The following DLGAP2 variants were observed in gnomAD, a reference collection of about 807,000 sequenced individuals.
DLGAP2 encodes the protein DLG associated protein 2.
DLGAP2 carries 26 observed loss-of-function variants against 100.3 expected under a neutral mutation model. The observed-to-expected ratio is 0.26, with a 90% CI of 0.19 to 0.36. The LOEUF is 0.36. Ranked by LOEUF, DLGAP2 falls within the 10% of genes least tolerant of loss-of-function variation. The probability of loss-of-function intolerance (pLI) is 1.00; values close to 1 mark genes in which losing one functional copy is unlikely to be tolerated. For synonymous variants in DLGAP2, 886 were observed against 630.1 expected (o/e 1.41, Z -6.08); for missense variants, 1,858 against 1,453.2 (o/e 1.28, Z -4.53).
intron 10 of DLGAP2, 84 bp from the exon 11 acceptor site, chr8:1,676,449 A>G: frequency 1.4e-6 from 2 of 1,414,660 alleles, no homozygotes; most frequent in Non-Finnish European, 2.0e-6. Context: ...AATTAATTAC[A>G]GCAAATCCAC....
At chr8:859,378 CT>C (rs1797346661) in intron 1 of DLGAP2, among the ~76,000 whole-genome samples, 1 of 152,190 alleles carries the variant, frequency 6.6e-6, no homozygotes, top group African/African-American at 2.4e-5. Flanking sequence ...TCCCAAAGGG[CT>C]GGGATTACAG....
chr8:1,285,552 C>A (rs1179898123), intron 3 of DLGAP2, among the ~76,000 whole-genome samples: 1 of 152,056 alleles, frequency 6.6e-6, no homozygotes, highest in Non-Finnish European at 1.5e-5. Context: ...GTCCACTGCC[C>A]ACGTGAACAA....
intron 2 of DLGAP2, among the ~76,000 whole-genome samples, chr8:1,120,301 A>C (rs1005876430): frequency 6.6e-6 from 1 of 152,152 alleles, no homozygotes; most frequent in Non-Finnish European, 1.5e-5. Context: ...AATCACACTC[A>C]TTAGGCATCT....
At chr8:1,316,924 A>G (rs1585252989) in intron 3 of DLGAP2, among the ~76,000 whole-genome samples, 3 of 109,172 alleles carry the variant, frequency 2.7e-5, no homozygotes, top group Admixed American at 1.9e-4. Flanking sequence ...TCTCTCCAAC[A>G]GTGGTCTACA....
intron 3 of DLGAP2, among the ~76,000 whole-genome samples, chr8:1,355,054 T>A (rs550878866): frequency 6.6e-6 from 1 of 151,674 alleles, no homozygotes; most frequent in African/African-American, 2.4e-5. Context: ...AAGTCACGGA[T>A]GATGCTGTGG....
At chr8:1,501,987 C>T (rs75820521) in intron 4 of DLGAP2, among the ~76,000 whole-genome samples, 2 of 152,214 alleles carry the variant, frequency 1.3e-5, no homozygotes, top group Non-Finnish European at 1.5e-5. Flanking sequence ...GCCATATTTG[C>T]CATCAGTCTT....
intron 6 of DLGAP2, among the ~76,000 whole-genome samples, chr8:1,597,129 C>T (rs1015775330): frequency 1.3e-5 from 2 of 152,132 alleles, no homozygotes; most frequent in African/African-American, 2.4e-5. Context: ...GGAATCCTTT[C>T]CCCATTGTTT....
At chr8:840,373 C>T (rs1230801653) in intron 1 of DLGAP2, among the ~76,000 whole-genome samples, 2 of 125,456 alleles carry the variant, frequency 1.6e-5, no homozygotes, top group African/African-American at 6.4e-5. Flanking sequence ...CACGCCTGCA[C>T]GTTTCCCTAC....
chr8:1,493,513 C>T (rs1385626357), intron 3 of DLGAP2, among the ~76,000 whole-genome samples: 1 of 152,220 alleles, frequency 6.6e-6, no homozygotes, highest in Non-Finnish European at 1.5e-5. Flanking sequence ...GAGGGACGGA[C>T]CCCAGGGAAG....
intron 6 of DLGAP2, among the ~76,000 whole-genome samples, chr8:1,623,718 T>C (rs191898138): frequency 1.8e-3 from 268 of 152,354 alleles, no homozygotes; most frequent in Middle Eastern, 3.4e-3. Flanking sequence ...GCAATGTGCG[T>C]CTGATGCTGC....
chr8:1,277,683 G>T (rs1361566670), intron 3 of DLGAP2, among the ~76,000 whole-genome samples: 1 of 152,114 alleles, frequency 6.6e-6, no homozygotes, highest in African/African-American at 2.4e-5. Flanking sequence ...GTGGTGGGGT[G>T]GGCTTCCAGG....
chr8:1,681,603 A>C (rs1182048301), intron 12 of DLGAP2, among the ~76,000 whole-genome samples: 7 of 151,048 alleles, frequency 4.6e-5, no homozygotes, highest in Non-Finnish European at 1.0e-4. Context: ...GGCTGCAGTG[A>C]GCCGAGATCT....
intron 3 of DLGAP2, among the ~76,000 whole-genome samples, chr8:1,370,041 G>A (rs750854368): frequency 2.6e-5 from 4 of 152,224 alleles, no homozygotes; most frequent in Non-Finnish European, 4.4e-5. Context: ...CCCCAGTTGC[G>A]GTCCAGCCCC....
At chr8:1,466,618 A>G (rs564256499) in intron 3 of DLGAP2, among the ~76,000 whole-genome samples, 2 of 152,132 alleles carry the variant, frequency 1.3e-5, no homozygotes, top group Non-Finnish European at 2.9e-5. Flanking sequence ...GGTGCCGAGA[A>G]CTTACCTAAA....
intron 3 of DLGAP2, among the ~76,000 whole-genome samples, chr8:1,487,738 G>A (rs539653369): frequency 2.9e-4 from 44 of 152,164 alleles, no homozygotes; most frequent in Admixed American, 6.5e-4. Context: ...GCACTGCTGC[G>A]TCCCAAGCAT....
chr8:1,094,204 C>G (rs1325128692), intron 2 of DLGAP2, among the ~76,000 whole-genome samples: 1 of 152,154 alleles, frequency 6.6e-6, no homozygotes, highest in Admixed American at 6.5e-5. Flanking sequence ...CTGGGACTGG[C>G]TGAGACTTTG....
rs560051031 is a variant in DLGAP2, at chr8:1,342,437, CT to C, written c.106+83555del. Among the ~76,000 whole-genome samples, 369 of 152,308 alleles carry C rather than the reference CT, an allele frequency of 2.4e-3. 4 individuals are homozygous for C. Among genetic ancestry groups the C allele is most frequent in the South Asian group, 0.014 (68 of 4,826 alleles). ...TTGTAGTGTACATAGTGTTGACCCA[CT>C]CTGTTGTTATTGAATGGTACCGAGC... On this transcript the variant is annotated intron_variant, in intron 3 of 14. Transcript: ENST00000637795.
intron 2 of DLGAP2, among the ~76,000 whole-genome samples, chr8:1,086,515 C>G (rs1013947533): frequency 1.2e-4 from 18 of 151,994 alleles, no homozygotes; most frequent in African/African-American, 3.9e-4. Context: ...TATATGCTGC[C>G]CACAAGAGGT....
chr8:1,540,600 C>A, intron 4 of DLGAP2, among the ~76,000 whole-genome samples: 1 of 152,314 alleles, frequency 6.6e-6, no homozygotes, highest in East Asian at 1.9e-4. Context: ...GCGCTGGAGT[C>A]GGGTGTGGCT....
Sources: gnomAD v4.1 joint callset for allele counts (sites outside exome capture counted in the v4.1 genomes callset) on GRCh38, gnomAD v4.1.1 for gene constraint, MANE v1.5 for transcripts, NCBI Gene and HGNC (gene_info 2026-07-23, HGNC 2026-07-21) for gene names.